LRRC4C: variants seen among roughly 807,000 people sequenced by gnomAD.
The protein encoded by LRRC4C is leucine rich repeat containing 4C, also known as leucine-rich repeat-containing protein 4C.
LRRC4C carries 5 observed loss-of-function variants against 33.6 expected under a neutral mutation model. The observed-to-expected ratio is 0.15, with a 90% CI of 0.08 to 0.31. LRRC4C has a LOEUF of 0.31. Ranked by LOEUF, LRRC4C falls within the 10% of genes least tolerant of loss-of-function variation. The pLI is 1.00. For synonymous variants in LRRC4C, 329 were observed against 302.0 expected, an observed-to-expected ratio of 1.09 and a Z score of -0.93; for missense variants, 560 against 796.7, an observed-to-expected ratio of 0.70 and a Z score of 3.58.
intron 1 of LRRC4C, among the ~76,000 whole-genome samples, chr11:41,144,717 G>T (rs1943656690): frequency 6.6e-6 from 1 of 152,002 alleles, no homozygotes; most frequent in South Asian, 2.1e-4. Flanking sequence ...ACATTTAATT[G>T]TATGGAAGGA....
intron 2 of LRRC4C, among the ~76,000 whole-genome samples, chr11:40,856,764 C>A (rs1387961031): frequency 1.3e-5 from 2 of 152,190 alleles, no homozygotes; most frequent in South Asian, 2.1e-4. Context: ...GTGATCAAGA[C>A]AAACTTGTCT....
intron 1 of LRRC4C, among the ~76,000 whole-genome samples, chr11:41,151,394 A>C (rs1048305653): frequency 3.3e-5 from 5 of 152,326 alleles, no homozygotes; most frequent in Middle Eastern, 3.4e-3. Context: ...TTCTTGCCTT[A>C]TCATCTGACT....
At chr11:41,046,718 A>G in intron 1 of LRRC4C, among the ~76,000 whole-genome samples, 1 of 152,166 alleles carries the variant, frequency 6.6e-6, no homozygotes, top group East Asian at 1.9e-4. Flanking sequence ...TTATTCTCTG[A>G]TGGTCACTGT....
intron 1 of LRRC4C, among the ~76,000 whole-genome samples, chr11:41,003,833 G>A (rs564193514): frequency 6.6e-6 from 1 of 151,918 alleles, no homozygotes; most frequent in African/African-American, 2.4e-5. Flanking sequence ...GCTCTGAGGG[G>A]TACCTTACAT....
intron 1 of LRRC4C, among the ~76,000 whole-genome samples, chr11:40,974,624 A>T (rs1471521770): frequency 6.6e-6 from 1 of 152,210 alleles, no homozygotes; most frequent in African/African-American, 2.4e-5. Context: ...ACTTGACTGA[A>T]TTCAGAAATA....
intron 3 of LRRC4C, among the ~76,000 whole-genome samples, chr11:40,444,531 T>C (rs1236200255): frequency 6.6e-6 from 1 of 151,968 alleles, no homozygotes; most frequent in African/African-American, 2.4e-5. Context: ...CTTATATTTA[T>C]TATATAGATA....
chr11:40,583,319 T>G (rs922160067), intron 3 of LRRC4C, among the ~76,000 whole-genome samples: 11 of 152,214 alleles, frequency 7.2e-5, no homozygotes, highest in Non-Finnish European at 1.5e-4. Flanking sequence ...ACAGCTGCTA[T>G]AATAAACAGC....
chr11:41,084,042 A>G (rs988649045), intron 1 of LRRC4C, among the ~76,000 whole-genome samples: 9 of 152,160 alleles, frequency 5.9e-5, no homozygotes, highest in Non-Finnish European at 8.8e-5. Flanking sequence ...GGTAAATAAC[A>G]TTTTCCAAAG....
chr11:40,410,509 T>C (rs1268125321), intron 3 of LRRC4C, among the ~76,000 whole-genome samples: 1 of 152,050 alleles, frequency 6.6e-6, no homozygotes, highest in Non-Finnish European at 1.5e-5. Context: ...TTTCATGTTG[T>C]CAACTCTCCA....
intron 1 of LRRC4C, among the ~76,000 whole-genome samples, chr11:41,121,794 T>C (rs1333514746): frequency 1.3e-5 from 2 of 152,130 alleles, no homozygotes; most frequent in African/African-American, 4.8e-5. Context: ...AGCTGAATCA[T>C]AGAGCAAATA....
intron 2 of LRRC4C, among the ~76,000 whole-genome samples, chr11:40,908,739 C>A (rs988225209): frequency 3.9e-5 from 6 of 152,040 alleles, no homozygotes; most frequent in African/African-American, 1.4e-4. Flanking sequence ...TAAATTAGAC[C>A]TTGATTTGAG....
At chr11:40,712,385 T>A (rs574878265) in intron 2 of LRRC4C, among the ~76,000 whole-genome samples, 1 of 152,162 alleles carries the variant, frequency 6.6e-6, no homozygotes, top group African/African-American at 2.4e-5. Flanking sequence ...AACCTATATG[T>A]AGGAAGCTTT....
At chr11:40,880,086 GAGAAAACCAGGCAGGCATGAGTAGGTGTA>G (rs1955093443) in intron 2 of LRRC4C, among the ~76,000 whole-genome samples, 1 of 152,132 alleles carries the variant, frequency 6.6e-6, no homozygotes, top group East Asian at 1.9e-4. Context: ...GCCATGCTGT[GAGAAAACCAGGCAGGCATGAGTAGGTGTA>G]ACTGCCAAAA....
At chr11:40,452,988 A>T (rs1377553920) in intron 3 of LRRC4C, among the ~76,000 whole-genome samples, 1 of 144,892 alleles carries the variant, frequency 6.9e-6, no homozygotes, top group Non-Finnish European at 1.5e-5. Flanking sequence ...CAATGAGAAC[A>T]CATGGACACA....
intron 3 of LRRC4C, among the ~76,000 whole-genome samples, chr11:40,349,847 A>G (rs11035796): frequency 0.21 from 32,504 of 151,990 alleles, 4,202 homozygotes; most frequent in East Asian, 0.3. Context: ...TTTTTTATAC[A>G]CTTGTTTGCC....
chr11:40,779,299 C>T (rs918831952), intron 2 of LRRC4C, among the ~76,000 whole-genome samples: 6 of 152,056 alleles, frequency 3.9e-5, no homozygotes, highest in Non-Finnish European at 8.8e-5. Flanking sequence ...AGAAGATAAA[C>T]ATATCTGAAT....
chr11:40,734,910 C>T (rs11036050), intron 2 of LRRC4C, among the ~76,000 whole-genome samples: 4 of 151,724 alleles, frequency 2.6e-5, no homozygotes, highest in African/African-American at 2.4e-5. Context: ...AAGAGCCACC[C>T]GCAATGTGCG....
intron 3 of LRRC4C, among the ~76,000 whole-genome samples, chr11:40,397,137 G>A (rs117135143): frequency 0.01 from 1,524 of 152,020 alleles, 24 homozygotes; most frequent in African/African-American, 0.03. Flanking sequence ...GATTTGTAAC[G>A]TATATTTAAA....
intron 2 of LRRC4C, among the ~76,000 whole-genome samples, chr11:40,824,739 C>T (rs1227971398): frequency 6.6e-6 from 1 of 151,804 alleles, no homozygotes; most frequent in African/African-American, 2.4e-5. Flanking sequence ...TGGGTGAGAC[C>T]CAGAGTAAAA....
Sources: allele counts gnomAD v4.1 joint callset (sites outside exome capture counted in the v4.1 genomes callset), GRCh38; gene constraint gnomAD v4.1.1; transcripts MANE v1.5; gene names NCBI Gene and HGNC (gene_info 2026-07-23, HGNC 2026-07-21).